Variants in SRD5A2 observed in about 807,000 individuals in gnomAD.
SRD5A2 encodes steroid 5 alpha-reductase 2.
SRD5A2 carries 30 observed loss-of-function variants against 27.4 expected under a neutral mutation model. The observed-to-expected ratio is 1.10, with a 90% CI of 0.82 to 1.49. The LOEUF (loss-of-function observed/expected upper bound fraction) is 1.49, where lower values mean the gene tolerates loss of function less well. Ranked by LOEUF, SRD5A2 falls within the 40% of genes most tolerant of loss-of-function variation. The pLI, the probability that SRD5A2 is intolerant of heterozygous loss-of-function variation, is 0.00. For synonymous variants in SRD5A2, 141 were observed against 133.6 expected, an observed-to-expected ratio of 1.06 and a Z score of -0.38; for missense variants, 348 against 323.4, an observed-to-expected ratio of 1.08 and a Z score of -0.58.
At chr2:31,555,468 A>T (rs1164329640) in intron 1 of SRD5A2, among the ~76,000 whole-genome samples, 2 of 152,032 alleles carry the variant, frequency 1.3e-5, no homozygotes, top group East Asian at 3.9e-4. Context: ...TTTTGCTTAC[A>T]TTTTTTTCTA....
At position 31,529,235 on chromosome 2, in the gene SRD5A2, T is replaced by C. The variant is rs28383068; in HGVS notation, c.698+72A>G. 2,543 of 1,580,058 alleles carry C rather than the reference T, an allele frequency of 1.6e-3. 91 individuals are homozygous for C. In the East Asian group the frequency reaches 0.054, roughly 34 times the overall value. ...AATATCTTCGGTTTCTCAATCTTCC[T>C]CTGCGGGTTAAAAGCCTGTTTGGAG... On this transcript the variant is annotated intron_variant, in intron 4 of 4. Transcript: ENST00000622030.
the SRD5A2 span, among the ~76,000 whole-genome samples, chr2:31,612,072 G>A: frequency 4.6e-5 from 7 of 152,186 alleles, no homozygotes; most frequent in African/African-American, 1.7e-4. Flanking sequence ...GAGGCCAGAA[G>A]TTTTAGACCA....
At chr2:31,547,655 C>A (rs1310904222) in intron 1 of SRD5A2, among the ~76,000 whole-genome samples, 1 of 152,206 alleles carries the variant, frequency 6.6e-6, no homozygotes, top group Non-Finnish European at 1.5e-5. Context: ...AGCAATTCTC[C>A]AGGCTCTCGG....
chr2:31,604,393 A>C, the SRD5A2 span, among the ~76,000 whole-genome samples: 1 of 151,852 alleles, frequency 6.6e-6, no homozygotes, highest in African/African-American at 2.4e-5. Flanking sequence ...AATTAAAAAC[A>C]ATTTAATTTA....
chr2:31,631,661 T>C, the SRD5A2 span, among the ~76,000 whole-genome samples: 1 of 152,148 alleles, frequency 6.6e-6, no homozygotes, highest in Non-Finnish European at 1.5e-5. Context: ...TCCTTTGATC[T>C]GACATGGAGA....
chr2:31,566,217 T>C (rs1197291998), intron 1 of SRD5A2, among the ~76,000 whole-genome samples: 2 of 152,046 alleles, frequency 1.3e-5, no homozygotes, highest in Non-Finnish European at 2.9e-5. Flanking sequence ...ATATGTAGGA[T>C]GAAATTCAAA....
chr2:31,638,728 A>G, the SRD5A2 span, among the ~76,000 whole-genome samples: 12 of 150,788 alleles, frequency 8.0e-5, no homozygotes, highest in Non-Finnish European at 1.6e-4. Context: ...TCATCTACAT[A>G]TAGCTATTTC....
the SRD5A2 span, among the ~76,000 whole-genome samples, chr2:31,604,703 T>C: frequency 3.3e-5 from 5 of 151,830 alleles, no homozygotes; most frequent in East Asian, 1.9e-4. Flanking sequence ...ATTAGAAGAA[T>C]TGATATTGTT....
At chr2:31,587,620 C>T in the SRD5A2 span, among the ~76,000 whole-genome samples, 5 of 152,100 alleles carry the variant, frequency 3.3e-5, no homozygotes, top group African/African-American at 1.2e-4. Context: ...AGCTGTAAGC[C>T]ATCATTCTCA....
intron 1 of SRD5A2, among the ~76,000 whole-genome samples, chr2:31,556,386 C>T (rs998459504): frequency 6.6e-6 from 1 of 152,082 alleles, no homozygotes; most frequent in Non-Finnish European, 1.5e-5. Flanking sequence ...ATTCCAGGAA[C>T]TTATGAATAG....
the SRD5A2 span, among the ~76,000 whole-genome samples, chr2:31,662,714 A>C: frequency 6.6e-6 from 1 of 152,106 alleles, no homozygotes. Flanking sequence ...CCTCAGTGGG[A>C]AGGCCGAGGT....
chr2:31,616,409 C>T, the SRD5A2 span, among the ~76,000 whole-genome samples: 2 of 152,184 alleles, frequency 1.3e-5, no homozygotes. Context: ...ATGAAAGCAG[C>T]CAGGAGGAGA....
chr2:31,644,258 G>C, the SRD5A2 span, among the ~76,000 whole-genome samples: 3 of 152,122 alleles, frequency 2.0e-5, no homozygotes, highest in Non-Finnish European at 4.4e-5. Flanking sequence ...AAATGTCAAG[G>C]TCAGAAAACA....
chr2:31,648,209 G>A, the SRD5A2 span, among the ~76,000 whole-genome samples: 1 of 152,204 alleles, frequency 6.6e-6, no homozygotes, highest in Admixed American at 6.5e-5. Flanking sequence ...TCAAAAAATG[G>A]AGGAAAAAAG....
intron 1 of SRD5A2, among the ~76,000 whole-genome samples, chr2:31,571,780 C>A: frequency 6.6e-6 from 1 of 152,206 alleles, no homozygotes; most frequent in East Asian, 1.9e-4. Flanking sequence ...CTCGGCATCA[C>A]TAATCATTAG....
At chr2:31,528,495 G>A (rs565940049) in intron 4 of SRD5A2, among the ~76,000 whole-genome samples, 31 of 152,302 alleles carry the variant, frequency 2.0e-4, no homozygotes, top group African/African-American at 7.5e-4. Context: ...GAGGCCAGGC[G>A]TGATGGCTTT....
chr2:31,585,183 G>A (rs976957590), upstream of SRD5A2, among the ~76,000 whole-genome samples: 2 of 152,188 alleles, frequency 1.3e-5, no homozygotes, highest in Non-Finnish European at 2.9e-5. Context: ...ACTGAGGGCT[G>A]AAGTGCTCTG....
chr2:31,643,013 T>C, the SRD5A2 span, among the ~76,000 whole-genome samples: 1 of 152,028 alleles, frequency 6.6e-6, no homozygotes, highest in Non-Finnish European at 1.5e-5. Flanking sequence ...AAAATAGTTA[T>C]CTGGGCAGGA....
the SRD5A2 span, among the ~76,000 whole-genome samples, chr2:31,655,394 C>T: frequency 6.6e-6 from 1 of 152,236 alleles, no homozygotes; most frequent in African/African-American, 2.4e-5. Context: ...AGCCACTGCA[C>T]CCAGCCTGAA....
Sources: allele counts gnomAD v4.1 joint callset (sites outside exome capture counted in the v4.1 genomes callset), GRCh38; gene constraint gnomAD v4.1.1; transcripts MANE v1.5; gene names NCBI Gene and HGNC (gene_info 2026-07-23, HGNC 2026-07-21).